CEP135: variants seen among roughly 807,000 people sequenced by gnomAD.
CEP135 encodes the protein centrosomal protein 135.
A neutral mutation model predicts 157.3 loss-of-function variants in CEP135; 142 were observed. The observed-to-expected ratio is 0.90, with a 90% CI of 0.79 to 1.04. The LOEUF (loss-of-function observed/expected upper bound fraction) is 1.04. Ranked by LOEUF, CEP135 falls within the 50% of genes least tolerant of loss-of-function variation. CEP135 has a pLI of 0.00. For missense variants in CEP135, 1,317 were observed against 1,309.2 expected (o/e 1.01, Z -0.09); for synonymous variants, 396 against 439.8 (o/e 0.90, Z 1.25).
In CEP135 at chr4:56,011,620, A is replaced by G. The variant is rs549806423; in HGVS notation, c.2616+98A>G. On this transcript the variant is annotated intron_variant, in intron 20 of 25. Transcript: ENST00000257287. The stretch of plus-strand genomic sequence containing the variant: ...AATTAGATATTAAACATTTTAAAGT[A>G]GAGATCTTGTCTACTGCCTTTTTCT... The G allele has an allele frequency of 6.6e-5, 66 of 1,004,748 alleles. 1 individual carries two copies. The South Asian group carries it at 9.4e-4, about 14-fold the overall frequency. The allele number at this position is 1,004,748 out of a possible 1,614,324, so 62.2% of individuals were successfully genotyped here.
At chr4:56,011,552 G>T in intron 20 of CEP135, 30 bp downstream of exon 20, 1 of 1,444,334 alleles carries the variant, frequency 6.9e-7, no homozygotes, top group South Asian at 1.2e-5. Flanking sequence ...TTGGATTTAA[G>T]ACTGAGGTTT....
intron 3 of CEP135, among the ~76,000 whole-genome samples, chr4:55,953,838 G>A (rs535481233): frequency 3.9e-5 from 6 of 152,198 alleles, no homozygotes; most frequent in African/African-American, 1.4e-4. Flanking sequence ...AGAATAGGAT[G>A]ATTTCAAAGG....
intron 17 of CEP135, among the ~76,000 whole-genome samples, chr4:56,006,256 G>T (rs987633438): frequency 6.6e-6 from 1 of 151,974 alleles, no homozygotes; most frequent in African/African-American, 2.4e-5. Flanking sequence ...GGCAATTTTT[G>T]TTCCTTTTTA....
intron 21 of CEP135, 32 bp downstream of exon 21, chr4:56,012,017 A>G: frequency 8.0e-7 from 1 of 1,256,832 alleles, no homozygotes; most frequent in Non-Finnish European, 1.1e-6. Flanking sequence ...TAAAGATGTT[A>G]TTTAGTGAAA....
chr4:56,024,946 T>G (rs1731104857), intron 25 of CEP135, among the ~76,000 whole-genome samples: 1 of 151,844 alleles, frequency 6.6e-6, no homozygotes, highest in Non-Finnish European at 1.5e-5. Context: ...GAGACAAGCC[T>G]GGGCAACACA....
At position 55,959,703 on chromosome 4, in the gene CEP135, A is replaced by C. The variant is rs76941356; in HGVS notation, c.636A>C (p.Glu212Asp). 8.9e-4 allele frequency: 1,429 copies of C among 1,614,140 alleles called. 8 individuals carry two copies. The highest frequency in any genetic ancestry group is 4.2e-3 in the East Asian group (187 of 44,866). Residue 212 changes from glutamate (E) to aspartate (D), a missense_variant, in exon 6 of 26, where the codon GAA becomes GAC. Physicochemically the swap from Glu to Asp is conservative, Grantham distance 45. Coordinates refer to ENST00000257287, the MANE Select transcript of CEP135 (RefSeq NM_025009.5). ...ADNRIQELQQ[E>D]VHQLQEKLAM... ...TCAGGATTCAAGAACTTCAACAGGA[A>C]GTCCACCAGCTACAAGAAAAGTTAG...
At chr4:56,016,443 A>G (rs1243523134) in intron 21 of CEP135, among the ~76,000 whole-genome samples, 2 of 152,150 alleles carry the variant, frequency 1.3e-5, no homozygotes, top group African/African-American at 4.8e-5. Flanking sequence ...TTTTTCAGCA[A>G]CTGTTCTCAA....
intron 15 of CEP135, among the ~76,000 whole-genome samples, chr4:55,998,479 T>A (rs1730051768): frequency 6.6e-6 from 1 of 152,194 alleles, no homozygotes; most frequent in Admixed American, 6.5e-5. Context: ...GAACCAAGTC[T>A]TCAATCTGCA....
chr4:55,977,286 T>A (rs1457150150), intron 11 of CEP135, among the ~76,000 whole-genome samples: 2 of 152,208 alleles, frequency 1.3e-5, no homozygotes, highest in African/African-American at 2.4e-5. Flanking sequence ...TGACATTTTT[T>A]AATATCAATT....
chr4:55,962,094 TA>T (rs531627698), intron 6 of CEP135, among the ~76,000 whole-genome samples: 18 of 149,474 alleles, frequency 1.2e-4, no homozygotes, highest in Non-Finnish European at 2.1e-4. Context: ...ACATCCTTTT[TA>T]AAAAACTCTT....
intron 24 of CEP135, among the ~76,000 whole-genome samples, chr4:56,020,986 C>T (rs1353454133): frequency 6.6e-6 from 1 of 152,108 alleles, no homozygotes; most frequent in African/African-American, 2.4e-5. Flanking sequence ...GCAAGTATTA[C>T]ATAGCGGATG....
Position 55,971,254 on chromosome 4 carries a change from G to A in CEP135, c.1111-16G>A. 7 of 1,538,672 alleles carry A rather than the reference G, an allele frequency of 4.5e-6. No individual in the cohort carries two copies. The highest frequency in any genetic ancestry group is 6.1e-6 in the Non-Finnish European group (7 of 1,142,664). The stretch of plus-strand genomic sequence containing the variant: ...AAAGTTGTTAGAAATCTTAATTATA[G>A]TATTAAAATTTGCAGGAATTGAACT... On this transcript the variant is annotated splice_polypyrimidine_tract_variant and intron_variant, in intron 9 of 25. Transcript: ENST00000257287.
Position 55,957,330 on chromosome 4 carries a change from T to C in CEP135, c.580T>C (p.Tyr194His), listed in dbSNP as rs1728540852. The C allele has an allele frequency of 6.2e-7, 1 of 1,613,994 alleles. No homozygotes were observed. Among genetic ancestry groups the C allele is most frequent in the East Asian group, 2.2e-5 (1 of 44,872 alleles). ...SYPVPQPDDP[Y>H]IADLLQVADN... The stretch of plus-strand genomic sequence containing the variant: ...TCCAGTTCCTCAACCAGATGACCCT[T>C]ACATTGCAGACCTCCTTCAAGTGGC... Residue 194 changes from tyrosine (Y) to histidine (H), a missense_variant, in exon 5 of 26, where the codon TAC becomes CAC. Coordinates refer to ENST00000257287, the MANE Select transcript of CEP135 (RefSeq NM_025009.5).
At chr4:55,996,397 T>A (rs1160222287) in intron 15 of CEP135, among the ~76,000 whole-genome samples, 1 of 152,178 alleles carries the variant, frequency 6.6e-6, no homozygotes, top group East Asian at 1.9e-4. Flanking sequence ...GACTCATAAG[T>A]TATCTGGATG....
At chr4:56,016,378 T>C (rs1324965778) in intron 21 of CEP135, among the ~76,000 whole-genome samples, 1 of 152,228 alleles carries the variant, frequency 6.6e-6, no homozygotes, top group Non-Finnish European at 1.5e-5. Context: ...AAAGTTTTTC[T>C]GTTAAGAAGG....
rs1730321757 is a variant in CEP135 at position 56,005,495 on chromosome 4, C to A, written c.2281-2832C>A. On this transcript the variant is annotated intron_variant, in intron 17 of 25. Coordinates refer to ENST00000257287, the MANE Select transcript of CEP135 (RefSeq NM_025009.5). ...AAAAAAAAATTCTACTCTTTATCTCCCTCGCATTTTGACTTGTGGTTGTCT... is the reference window on the plus strand; with the variant it reads ...AAAAAAAAATTCTACTCTTTATCTCACTCGCATTTTGACTTGTGGTTGTCT... Among the ~76,000 whole-genome samples, 5 of 152,216 alleles carry A rather than the reference C, an allele frequency of 3.3e-5. No homozygotes were observed. In the South Asian group the frequency reaches 1.0e-3, roughly 32 times the overall value.
In CEP135 at chr4:56,009,146, AC is replaced by A. The variant is rs1375166698; in HGVS notation, c.2337-588del. Reference sequence around the variant, plus strand: ...CGAACTCCTGGGCTCAAGCTATTCAACTGTTTTTGTTGTTGTTGTTGTTTTT... The same window carrying A: ...CGAACTCCTGGGCTCAAGCTATTCAATGTTTTTGTTGTTGTTGTTGTTTTT... On this transcript the variant is annotated intron_variant, in intron 18 of 25. Transcript: ENST00000257287. Among the ~76,000 whole-genome samples the A allele has an allele frequency of 2.6e-5, 4 of 151,314 alleles. No individual in the cohort carries two copies. The East Asian group carries it at 7.8e-4, about 30-fold the overall frequency.
chr4:56,001,935 T>C (rs969252781), intron 17 of CEP135, among the ~76,000 whole-genome samples: 2 of 152,162 alleles, frequency 1.3e-5, no homozygotes, highest in African/African-American at 4.8e-5. Flanking sequence ...ATCAGTGTTT[T>C]GTAGTTTTCC....
intron 18 of CEP135, among the ~76,000 whole-genome samples, chr4:56,009,237 T>C (rs565334717): frequency 3.2e-4 from 48 of 152,218 alleles, no homozygotes; most frequent in Admixed American, 1.1e-3. Context: ...TCTCGGCTCA[T>C]TGCAAGCTCT....
Sources: gnomAD v4.1 joint callset for allele counts (sites outside exome capture counted in the v4.1 genomes callset) on GRCh38, gnomAD v4.1.1 for gene constraint, MANE v1.5 for transcripts, NCBI Gene and HGNC (gene_info 2026-07-23, HGNC 2026-07-21) for gene names.